The following ERLEC1 variants were observed in gnomAD, a reference collection of about 807,000 sequenced individuals.
The protein encoded by ERLEC1 is ER lectin.
In ERLEC1, 47 loss-of-function variants were observed where a neutral mutation model predicts 68.0. The observed-to-expected ratio is 0.69, with a 90% CI of 0.55 to 0.88. ERLEC1 has a LOEUF of 0.88. Among genes scored for constraint, ERLEC1 ranks in the 40% least tolerant of loss-of-function variants. The probability of loss-of-function intolerance (pLI) is 0.00; values close to 1 mark genes in which losing one functional copy is unlikely to be tolerated. For missense variants in ERLEC1, 567 were observed against 583.8 expected (o/e 0.97, Z 0.30); for synonymous variants, 225 against 203.2 (o/e 1.11, Z -0.91).
intron 9 of ERLEC1, 39 bp downstream of exon 9, chr2:53,808,499 ACTTTACC>A: frequency 6.2e-7 from 1 of 1,600,126 alleles, no homozygotes; most frequent in Non-Finnish European, 8.5e-7. Flanking sequence ...TTATTTTACA[ACTTTACC>A]TGCCAGGTAT....
chr2:53,798,755 G>A (rs1289178530), intron 5 of ERLEC1, among the ~76,000 whole-genome samples: 1 of 151,452 alleles, frequency 6.6e-6, no homozygotes, highest in Admixed American at 6.6e-5. Context: ...ATTCAGATTG[G>A]TCAGTTAATT....
intron 1 of ERLEC1, among the ~76,000 whole-genome samples, chr2:53,788,216 A>T (rs1675180961): frequency 6.6e-6 from 1 of 152,218 alleles, no homozygotes; most frequent in South Asian, 2.1e-4. Flanking sequence ...TTTTTATTCC[A>T]ATTACCTTCA....
chr2:53,797,700 T>C (rs1361685388), intron 4 of ERLEC1, 32 bp from the exon 5 acceptor site: 2 of 1,579,860 alleles, frequency 1.3e-6, no homozygotes, highest in Admixed American at 3.4e-5. Context: ...TGCAAAATAC[T>C]TAGTATATTT....
intron 9 of ERLEC1, 30 bp downstream of exon 9, chr2:53,808,490 T>C: frequency 6.2e-7 from 1 of 1,607,606 alleles, no homozygotes; most frequent in Non-Finnish European, 8.5e-7. Context: ...TTTAAATATT[T>C]ATTTTACAAC....
Position 53,801,758 on chromosome 2 carries a change from A to C in ERLEC1, c.795A>C (p.Pro265=), listed in dbSNP as rs989759801. The C allele has an allele frequency of 1.2e-6, 2 of 1,614,104 alleles. No homozygotes were observed. Among genetic ancestry groups the C allele is most frequent in the Non-Finnish European group, 1.7e-6 (2 of 1,179,934 alleles). ...PVNDIFCQSL[P]GSPFKPLTLR... ...ATGACATATTTTGTCAATCACTGCC[A>C]GGATCTCCATTTAAGCCCCTCACCC... The change falls in exon 8 of 14, where the codon CCA becomes CCC. Residue 265 remains proline, a synonymous_variant. Transcript: ENST00000185150.
intron 2 of ERLEC1, among the ~76,000 whole-genome samples, chr2:53,795,554 A>G (rs767328254): frequency 1.4e-4 from 21 of 152,328 alleles, no homozygotes; most frequent in Non-Finnish European, 2.8e-4. Context: ...CAACTATTCT[A>G]AGGGCTTTCA....
In ERLEC1 at chr2:53,787,096, G is replaced by T. The variant is rs990618561; in HGVS notation, c.-115G>T. ...AGGAGACGTGGCGGCGGTTGGGCCG[G>T]TGATACCCGGGCGCTTTATAGTCCC... On this transcript the variant is annotated 5_prime_UTR_variant, in exon 1 of 14. Coordinates refer to ENST00000185150, the MANE Select transcript of ERLEC1 (RefSeq NM_015701.5). 1 of 1,352,142 alleles carries T rather than the reference G, an allele frequency of 7.4e-7. No individual in the cohort carries two copies. Among genetic ancestry groups the T allele is most frequent in the African/African-American group, 1.5e-5 (1 of 67,744 alleles). 83.8% of individuals were successfully genotyped at this position (1,352,142 alleles called of 1,614,324 possible). A position where few individuals can be genotyped will look rare whatever the true frequency, so the allele number is the denominator to read the frequency against.
intron 13 of ERLEC1, among the ~76,000 whole-genome samples, chr2:53,816,932 T>C (rs540342665): frequency 6.6e-6 from 1 of 152,302 alleles, no homozygotes; most frequent in Admixed American, 6.5e-5. Flanking sequence ...GACATGTTAG[T>C]ATAAAATTGT....
In ERLEC1 at chr2:53,813,065, G is replaced by C. The variant is rs778229774; in HGVS notation, c.1218G>C (p.Gln406His). The change falls in exon 11 of 14, where the codon CAG (glutamine) becomes CAC (histidine). Residue 406 changes from glutamine (Q) to histidine (H), a missense_variant. Physicochemically the swap from Gln to His is conservative, Grantham distance 24. Transcript: ENST00000185150. ...ATCATCTTCAAGACGATGGTACCCAGACAGTCAGGTAAAGATTCACTTTAC... is the reference window on the plus strand; with the variant it reads ...ATCATCTTCAAGACGATGGTACCCACACAGTCAGGTAAAGATTCACTTTAC... ...RAYHLQDDGT[Q>H]TVRMVSHFYG... is the part of the protein sequence containing the mutation. The C allele has an allele frequency of 6.2e-7, 1 of 1,609,854 alleles. No homozygotes were observed. The highest frequency in any genetic ancestry group is 2.2e-5 in the East Asian group (1 of 44,714).
chr2:53,807,734 T>C (rs1474053503), intron 8 of ERLEC1, among the ~76,000 whole-genome samples: 1 of 152,092 alleles, frequency 6.6e-6, no homozygotes, highest in Non-Finnish European at 1.5e-5. Flanking sequence ...AGGTTGGGCA[T>C]GGTGGCTTAG....
intron 2 of ERLEC1, among the ~76,000 whole-genome samples, chr2:53,794,872 C>G (rs1675603993): frequency 1.3e-5 from 2 of 152,024 alleles, no homozygotes; most frequent in Admixed American, 6.6e-5. Flanking sequence ...CCAGGATGGT[C>G]TCGATTTCTT....
At chr2:53,801,914 AATG>A in intron 8 of ERLEC1, 72 bp downstream of exon 8, 1 of 1,296,810 alleles carries the variant, frequency 7.7e-7, no homozygotes, top group Non-Finnish European at 1.1e-6. Flanking sequence ...TCAATATTTT[AATG>A]ATTTCTGTAG....
In ERLEC1 at chr2:53,814,526, G is replaced by C; in HGVS notation, c.1227-17G>C. On this transcript the variant is annotated splice_polypyrimidine_tract_variant and intron_variant, in intron 11 of 13. Transcript: ENST00000185150. ...GAGATTTTAGTTTAATAAAACTTGT[G>C]TGTTTCTCTGATTCAGGATGGTGTC... The C allele has an allele frequency of 6.3e-7, 1 of 1,592,204 alleles. No individual in the cohort carries two copies. Among genetic ancestry groups the C allele is most frequent in the Non-Finnish European group, 8.6e-7 (1 of 1,162,288 alleles).
At chr2:53,803,053 T>G (rs1320674620) in intron 8 of ERLEC1, among the ~76,000 whole-genome samples, 1 of 152,220 alleles carries the variant, frequency 6.6e-6, no homozygotes, top group African/African-American at 2.4e-5. Flanking sequence ...CAGGAAGAGA[T>G]AACTACTTCC....
intron 13 of ERLEC1, among the ~76,000 whole-genome samples, chr2:53,815,505 T>C (rs1475448974): frequency 6.6e-6 from 1 of 152,218 alleles, no homozygotes; most frequent in Non-Finnish European, 1.5e-5. Context: ...TACACCCATG[T>C]AACTATCACC....
intron 10 of ERLEC1, among the ~76,000 whole-genome samples, chr2:53,811,633 TAAG>T (rs67602738): frequency 0.013 from 1,989 of 152,262 alleles, 44 homozygotes; most frequent in African/African-American, 0.045. Flanking sequence ...ATAACAACCT[TAAG>T]AAGTGGTTAT....
intron 8 of ERLEC1, among the ~76,000 whole-genome samples, chr2:53,802,990 GA>G (rs375545910): frequency 2.3e-4 from 35 of 152,286 alleles, no homozygotes; most frequent in African/African-American, 7.7e-4. Flanking sequence ...TTGAAGATGT[GA>G]TTCCAATGTT....
In ERLEC1 at chr2:53,809,266, A is replaced by T; in HGVS notation, c.1094A>T (p.Tyr365Phe). Residue 365 changes from tyrosine to phenylalanine, a missense_variant, in exon 10 of 14, where the codon TAC (tyrosine) becomes TTC (phenylalanine). Transcript: ENST00000185150. ...TGCTATGGCAAACATGTACATCAAT[A>T]CCATGAGGTATAGAATAGCATTTAT... ...EFCYGKHVHQ[Y>F]HEDKDSGKTS... is the part of the protein sequence containing the mutation. The T allele has an allele frequency of 6.4e-7, 1 of 1,570,564 alleles. No homozygotes were observed. The highest frequency in any genetic ancestry group is 8.6e-7 in the Non-Finnish European group (1 of 1,165,708).
At chr2:53,791,896 A>G (rs1239850475) in intron 1 of ERLEC1, among the ~76,000 whole-genome samples, 24 of 141,848 alleles carry the variant, frequency 1.7e-4, no homozygotes, top group African/African-American at 5.3e-4. Flanking sequence ...CATCATCTAT[A>G]ATGCTCTTTT....
Sources: allele counts gnomAD v4.1 joint callset (sites outside exome capture counted in the v4.1 genomes callset), GRCh38; gene constraint gnomAD v4.1.1; transcripts MANE v1.5; gene names NCBI Gene and HGNC (gene_info 2026-07-23, HGNC 2026-07-21).